Variants in GNAQ observed in about 807,000 individuals in gnomAD.
GNAQ encodes G protein subunit alpha q, also known as guanine nucleotide-binding protein G(q) subunit alpha.
A neutral mutation model predicts 43.9 loss-of-function variants in GNAQ; 8 were observed. The observed-to-expected ratio is 0.18, with a 90% CI of 0.11 to 0.33. GNAQ has a LOEUF of 0.33. Ranked by LOEUF, GNAQ falls within the 10% of genes least tolerant of loss-of-function variation. GNAQ has a pLI of 1.00. For synonymous variants in GNAQ, 155 were observed against 170.7 expected (o/e 0.91, Z 0.71); for missense variants, 158 against 450.8 (o/e 0.35, Z 5.88).
intron 2 of GNAQ, among the ~76,000 whole-genome samples, chr9:77,859,753 A>G (rs555141633): frequency 6.6e-6 from 1 of 152,334 alleles, no homozygotes; most frequent in Non-Finnish European, 1.5e-5. Context: ...GGTATTTTAA[A>G]GTACCTTTAG....
intron 2 of GNAQ, among the ~76,000 whole-genome samples, chr9:77,816,409 G>A (rs762614085): frequency 7.2e-5 from 11 of 152,016 alleles, no homozygotes; most frequent in Admixed American, 3.9e-4. Flanking sequence ...GATTGAGTAC[G>A]CCCTATTCAA....
chr9:78,025,071 A>AT (rs1188328409), intron 1 of GNAQ, among the ~76,000 whole-genome samples: 2 of 152,178 alleles, frequency 1.3e-5, no homozygotes, highest in Non-Finnish European at 2.9e-5. Context: ...CAACATGGAC[A>AT]TTTATTTTTG....
chr9:78,017,724 G>C (rs1334524712), intron 1 of GNAQ, among the ~76,000 whole-genome samples: 2 of 152,162 alleles, frequency 1.3e-5, no homozygotes, highest in South Asian at 2.1e-4. Flanking sequence ...CAAAACAAAA[G>C]GAAAACAACA....
At chr9:77,768,564 G>C (rs762604822) in intron 5 of GNAQ, among the ~76,000 whole-genome samples, 3 of 152,194 alleles carry the variant, frequency 2.0e-5, no homozygotes, top group Non-Finnish European at 4.4e-5. Context: ...ACCATCTTGA[G>C]TTTCACTCTA....
At chr9:77,779,679 A>C (rs1410768249) in intron 5 of GNAQ, among the ~76,000 whole-genome samples, 6 of 83,922 alleles carry the variant, frequency 7.1e-5, no homozygotes, top group Admixed American at 1.5e-4. Flanking sequence ...AAAAAACAAA[A>C]CAAAAAAAAA....
intron 1 of GNAQ, among the ~76,000 whole-genome samples, chr9:77,958,305 T>C (rs189840749): frequency 3.6e-4 from 55 of 152,216 alleles, no homozygotes; most frequent in South Asian, 2.1e-3. Flanking sequence ...ATGGGCTGTG[T>C]CTCCATTGTA....
At position 77,778,861 on chromosome 9, in the gene GNAQ, A is replaced by T. The variant is rs75549598; in HGVS notation, c.735+15602T>A. On this transcript the variant is annotated intron_variant, in intron 5 of 6. Coordinates refer to ENST00000286548, the MANE Select transcript of GNAQ (RefSeq NM_002072.5). ...GCCTTACATAATGATAACGGGGTCA[A>T]TTCTCCAAAAAACTCTAACAATCCT... Among the ~76,000 whole-genome samples the T allele has an allele frequency of 7.2e-3, 1,092 of 152,080 alleles. 15 individuals are homozygous for T. The highest frequency in any genetic ancestry group is 0.025 in the African/African-American group (1,049 of 41,558).
chr9:77,796,684 T>A (rs944157856), intron 4 of GNAQ, among the ~76,000 whole-genome samples: 6 of 152,222 alleles, frequency 3.9e-5, no homozygotes, highest in African/African-American at 1.4e-4. Context: ...CAAAATCATG[T>A]ATTTCAAAAT....
chr9:77,840,641 T>C (rs1279852125), intron 2 of GNAQ, among the ~76,000 whole-genome samples: 2 of 152,152 alleles, frequency 1.3e-5, no homozygotes, highest in Non-Finnish European at 2.9e-5. Context: ...CTGGCTGCAT[T>C]TGATTGTTTT....
chr9:78,003,521 A>ATT (rs1823668151), intron 1 of GNAQ, among the ~76,000 whole-genome samples: 1 of 152,176 alleles, frequency 6.6e-6, no homozygotes, highest in African/African-American at 2.4e-5. Context: ...GAGACTAAAA[A>ATT]TGACAAGCTG....
chr9:77,919,061 A>G (rs1257146116), intron 2 of GNAQ, among the ~76,000 whole-genome samples: 1 of 152,128 alleles, frequency 6.6e-6, no homozygotes, highest in Non-Finnish European at 1.5e-5. Context: ...CTGGGATTAC[A>G]GGCATGTGCC....
intron 1 of GNAQ, among the ~76,000 whole-genome samples, chr9:77,947,773 G>C (rs1335215233): frequency 1.3e-5 from 2 of 152,186 alleles, no homozygotes; most frequent in Non-Finnish European, 2.9e-5. Context: ...TGGAGCATGA[G>C]ATTCTGCATG....
rs555965185 is a variant in GNAQ at position 77,767,713 on chromosome 9, A to G, written c.735+26750T>C. On this transcript the variant is annotated intron_variant, in intron 5 of 6. Transcript: ENST00000286548. ...AAAAGGTGATAAAACTACTTAAAGA[A>G]TAATTTAGATCCCAATTTGGTCTGT... Among the ~76,000 whole-genome samples, 5 of 152,348 alleles carry G rather than the reference A, an allele frequency of 3.3e-5. No individual in the cohort carries two copies. In the South Asian group the frequency reaches 1.0e-3, roughly 32 times the overall value.
At chr9:78,002,200 GAACT>G (rs765951524) in intron 1 of GNAQ, among the ~76,000 whole-genome samples, 12 of 152,020 alleles carry the variant, frequency 7.9e-5, no homozygotes, top group Admixed American at 2.6e-4. Context: ...CTCCCCATGT[GAACT>G]AACTGAGAAA....
chr9:77,760,701 C>T (rs553207229), intron 5 of GNAQ, among the ~76,000 whole-genome samples: 1 of 151,840 alleles, frequency 6.6e-6, no homozygotes, highest in African/African-American at 2.4e-5. Flanking sequence ...CTCTGCCTGG[C>T]TGCCCAGTCT....
chr9:77,937,883 ACT>A (rs1829255540), intron 1 of GNAQ, among the ~76,000 whole-genome samples: 1 of 152,096 alleles, frequency 6.6e-6, no homozygotes, highest in Admixed American at 6.6e-5. Flanking sequence ...CAAGAGTGAA[ACT>A]CTGTCTCAAA....
chr9:78,011,960 T>C (rs536199699), intron 1 of GNAQ, among the ~76,000 whole-genome samples: 52 of 152,316 alleles, frequency 3.4e-4, no homozygotes, highest in Admixed American at 8.5e-4. Flanking sequence ...GGTTCAGTGC[T>C]TCAAGATAAA....
intron 5 of GNAQ, among the ~76,000 whole-genome samples, chr9:77,761,303 G>T (rs1352045734): frequency 8.2e-6 from 1 of 121,570 alleles, no homozygotes; most frequent in Non-Finnish European, 1.8e-5. Context: ...CTGGCCAGCC[G>T]CCCCATCCGG....
At chr9:77,897,182 A>G (rs1355812661) in intron 2 of GNAQ, among the ~76,000 whole-genome samples, 3 of 152,252 alleles carry the variant, frequency 2.0e-5, no homozygotes, top group African/African-American at 7.2e-5. Context: ...TTAGTAGGCT[A>G]ACAGACGACT....
Sources: allele counts gnomAD v4.1 joint callset (sites outside exome capture counted in the v4.1 genomes callset), GRCh38; gene constraint gnomAD v4.1.1; transcripts MANE v1.5; gene names NCBI Gene and HGNC (gene_info 2026-07-23, HGNC 2026-07-21).